The following SPATA13 variants were observed in gnomAD, a reference collection of about 807,000 sequenced individuals.
The protein encoded by SPATA13 is spermatogenesis associated 13.
A neutral mutation model predicts 104.0 loss-of-function variants in SPATA13; 50 were observed. The ratio of observed to expected loss-of-function variants is 0.48; its 90% CI spans 0.38 to 0.61. The LOEUF is 0.61. Ranked by LOEUF, SPATA13 falls within the 20% of genes least tolerant of loss-of-function variation. The pLI, the probability that SPATA13 is intolerant of heterozygous loss-of-function variation, is 0.00. For missense variants in SPATA13, 1,524 were observed against 1,690.6 expected (o/e 0.90, Z 1.73); for synonymous variants, 606 against 667.5 (o/e 0.91, Z 1.42).
In SPATA13 at chr13:24,022,199, T is replaced by C. The variant is rs140931073; in HGVS notation, c.-112+4498T>C. On this transcript the variant is annotated intron_variant, in intron 3 of 14. Transcript: ENST00000424834. ...CTGGGACTACAGGCACCTGCCACCA[T>C]GCCTGGCTAATTTTTGTGTAGAGAT... Among the ~76,000 whole-genome samples the C allele has an allele frequency of 3.9e-3, 593 of 152,014 alleles. 2 individuals carry two copies. Among genetic ancestry groups the C allele is most frequent in the African/African-American group, 0.014 (560 of 41,456 alleles).
intron 3 of SPATA13, among the ~76,000 whole-genome samples, chr13:24,078,920 G>A (rs1214124057): frequency 1.3e-5 from 2 of 152,210 alleles, no homozygotes; most frequent in Non-Finnish European, 2.9e-5. Context: ...GATGGGCACA[G>A]CTTCTTGGTA....
At chr13:24,142,036 A>G (rs1881779155) in intron 3 of SPATA13, among the ~76,000 whole-genome samples, 1 of 152,136 alleles carries the variant, frequency 6.6e-6, no homozygotes, top group Non-Finnish European at 1.5e-5. Context: ...CAATCCATCA[A>G]GCTTTCAATA....
intron 3 of SPATA13, among the ~76,000 whole-genome samples, chr13:24,043,143 C>T (rs993632650): frequency 6.6e-6 from 1 of 152,160 alleles, no homozygotes; most frequent in South Asian, 2.1e-4. Context: ...ACATCAGCAG[C>T]GGGTGGCCTC....
chr13:24,126,548 A>T (rs9553190), intron 3 of SPATA13, among the ~76,000 whole-genome samples: 102,983 of 151,696 alleles, frequency 0.68, 35,603 homozygotes, highest in East Asian at 0.93. Context: ...TGTGTGTGTG[A>T]GAGAGAGAGA....
chr13:24,168,399 T>C (rs1476079912), intron 1 of SPATA13, among the ~76,000 whole-genome samples: 1 of 152,216 alleles, frequency 6.6e-6, no homozygotes, highest in Non-Finnish European at 1.5e-5. Flanking sequence ...TAGATTATGT[T>C]TTTGGTTTTG....
intron 3 of SPATA13, among the ~76,000 whole-genome samples, chr13:24,032,028 C>T (rs1877500510): frequency 6.6e-6 from 1 of 152,200 alleles, no homozygotes; most frequent in African/African-American, 2.4e-5. Flanking sequence ...CTATGCCCAT[C>T]TTGCAAAAAT....
intron 3 of SPATA13, among the ~76,000 whole-genome samples, chr13:24,250,849 A>G (rs1284554770): frequency 2.0e-5 from 3 of 152,228 alleles, no homozygotes; most frequent in Admixed American, 2.0e-4. Context: ...ATTTTAACTC[A>G]GAACAATAGT....
intron 1 of SPATA13, among the ~76,000 whole-genome samples, chr13:24,180,299 G>C (rs74574637): frequency 0.012 from 1,883 of 152,174 alleles, 38 homozygotes; most frequent in African/African-American, 0.043. Flanking sequence ...AATGAATTGA[G>C]CATGACTATA....
chr13:24,115,393 G>A (rs1023434876), intron 3 of SPATA13, among the ~76,000 whole-genome samples: 1 of 152,266 alleles, frequency 6.6e-6, no homozygotes, highest in African/African-American at 2.4e-5. Context: ...CAGAAGGTGA[G>A]TGAGCATTAC....
At chr13:24,231,786 T>A (rs1872291525) in intron 2 of SPATA13, among the ~76,000 whole-genome samples, 2 of 152,252 alleles carry the variant, frequency 1.3e-5, no homozygotes, top group South Asian at 4.1e-4. Flanking sequence ...TATTCTGGAC[T>A]CTAGCTATTC....
intron 3 of SPATA13, among the ~76,000 whole-genome samples, chr13:24,035,502 G>A (rs912863959): frequency 6.6e-6 from 1 of 152,180 alleles, no homozygotes; most frequent in African/African-American, 2.4e-5. Context: ...TGGAGACTTG[G>A]AACAGAATGT....
rs1460448797 is a variant in SPATA13 at position 24,304,185 on chromosome 13, C to T, written c.*1412C>T. The T allele has an allele frequency of 6.6e-6, 1 of 152,146 alleles. No individual in the cohort carries two copies. Among genetic ancestry groups the T allele is most frequent in the Non-Finnish European group, 1.5e-5 (1 of 68,020 alleles). The allele number at this position is 152,146 out of a possible 1,614,324, so 9.4% of individuals were successfully genotyped here. On this transcript the variant is annotated 3_prime_UTR_variant, in exon 13 of 13. Coordinates refer to ENST00000382108, the MANE Select transcript of SPATA13 (RefSeq NM_001166271.3). The stretch of plus-strand genomic sequence containing the variant: ...GTCATCAGGCTTCTGAGGACTTGTT[C>T]TTTATAAAAAAAGACCTTCACAAAA...
intron 2 of SPATA13, among the ~76,000 whole-genome samples, chr13:23,997,036 A>G (rs1224991569): frequency 6.6e-6 from 1 of 152,220 alleles, no homozygotes; most frequent in Non-Finnish European, 1.5e-5. Context: ...ACAGCTAATA[A>G]TGGAATAACA....
intron 2 of SPATA13, among the ~76,000 whole-genome samples, chr13:24,239,693 T>TAAAAAAAAAAAAAAAAAA (rs55881452): frequency 2.1e-5 from 1 of 46,940 alleles, no homozygotes; most frequent in Non-Finnish European, 3.8e-5. Context: ...AGACCATATC[T>TAAAAAAAAAAAAAAAAAA]AAAAAAAAAA....
chr13:24,164,932 C>T (rs947102131), intron 1 of SPATA13, among the ~76,000 whole-genome samples: 10 of 152,298 alleles, frequency 6.6e-5, no homozygotes, highest in South Asian at 2.1e-4. Flanking sequence ...GGGTTGTGGA[C>T]GATGCCCTCT....
chr13:24,262,486 G>A (rs1593472846), intron 4 of SPATA13, among the ~76,000 whole-genome samples: 1 of 151,992 alleles, frequency 6.6e-6, no homozygotes, highest in Admixed American at 6.6e-5. Flanking sequence ...CATCACAAAA[G>A]GGAGGTTACT....
At chr13:24,110,280 G>T (rs1169964359) in intron 3 of SPATA13, among the ~76,000 whole-genome samples, 1 of 151,884 alleles carries the variant, frequency 6.6e-6, no homozygotes, top group African/African-American at 2.4e-5. Flanking sequence ...TGGTCAAGGA[G>T]TGAGGAAGGG....
At chr13:24,196,594 G>A (rs1315638395) in intron 1 of SPATA13, among the ~76,000 whole-genome samples, 1 of 152,060 alleles carries the variant, frequency 6.6e-6, no homozygotes, top group Admixed American at 6.6e-5. Flanking sequence ...AAATTACCTG[G>A]GCATGGTGGC....
intron 3 of SPATA13, among the ~76,000 whole-genome samples, chr13:24,066,931 T>TG (rs892967408): frequency 2.0e-5 from 3 of 152,170 alleles, no homozygotes; most frequent in African/African-American, 7.2e-5. Context: ...AGCAGAGGCC[T>TG]GGGGTTGCCA....
Sources: gnomAD v4.1 joint callset for allele counts (sites outside exome capture counted in the v4.1 genomes callset) on GRCh38, gnomAD v4.1.1 for gene constraint, MANE v1.5 for transcripts, NCBI Gene and HGNC (gene_info 2026-07-23, HGNC 2026-07-21) for gene names.